Variants in UBQLN1 observed in about 807,000 individuals in gnomAD.
The protein encoded by UBQLN1 is ubiquilin 1.
In UBQLN1, 13 loss-of-function variants were observed where a neutral mutation model predicts 65.4. The observed-to-expected ratio is 0.20, with a 90% CI of 0.13 to 0.32. The LOEUF is 0.32. Ranked by LOEUF, UBQLN1 falls within the 10% of genes least tolerant of loss-of-function variation. The pLI, the probability that UBQLN1 is intolerant of heterozygous loss-of-function variation, is 1.00. For missense variants in UBQLN1, 561 were observed against 724.0 expected, an observed-to-expected ratio of 0.77 and a Z score of 2.58; for synonymous variants, 267 against 247.8, an observed-to-expected ratio of 1.08 and a Z score of -0.73.
chr9:83,677,621 C>T (rs1057321932), intron 6 of UBQLN1, 106 bp downstream of exon 6: 3 of 758,036 alleles, frequency 4.0e-6, no homozygotes, highest in Non-Finnish European at 6.1e-6. Context: ...ATAAAAGATA[C>T]TCACTATACA....
intron 9 of UBQLN1, 89 bp from the exon 10 acceptor site, chr9:83,664,132 C>G (rs1362980968): frequency 7.0e-7 from 1 of 1,430,596 alleles, no homozygotes; most frequent in Non-Finnish European, 9.4e-7. Flanking sequence ...ATAAGCTAAG[C>G]CATCTTCTTA....
At position 83,663,964 on chromosome 9, in the gene UBQLN1, T is replaced by C; in HGVS notation, c.1528A>G (p.Asn510Asp). The change falls in exon 10 of 11, where the codon AAC becomes GAC. Residue 510 changes from asparagine (N) to aspartate (D), a missense_variant. Transcript: ENST00000376395. The part of the protein sequence containing the change: ...TNGSNATPSE[N>D]TSPTAGTTEP... The stretch of plus-strand genomic sequence containing the variant: ...GTGGTTCCTGCTGTGGGACTTGTGT[T>C]TTCACTAGGTGTGGCGTTAGATCCA... 6.2e-7 allele frequency: 1 copy of C among 1,614,154 alleles called. No homozygotes were observed. Among genetic ancestry groups the C allele is most frequent in the African/African-American group, 1.3e-5 (1 of 75,054 alleles).
At chr9:83,693,019 T>TA (rs1474244298) in intron 1 of UBQLN1, among the ~76,000 whole-genome samples, 9 of 152,308 alleles carry the variant, frequency 5.9e-5, no homozygotes, top group Admixed American at 1.3e-4. Context: ...AGATACATGA[T>TA]AGAACGGGCC....
Position 83,669,309 on chromosome 9 carries a change from G to A in UBQLN1, c.1124C>T (p.Pro375Leu), listed in dbSNP as rs990119341. 2 of 1,605,980 alleles carry A rather than the reference G, an allele frequency of 1.2e-6. No homozygotes were observed. The highest frequency in any genetic ancestry group is 1.7e-6 in the Non-Finnish European group (2 of 1,178,414). ...PGVGASMFNTPGMQSLLQQIT... is the reference protein window; with the variant it reads ...PGVGASMFNTLGMQSLLQQIT... Reference sequence around the variant, plus strand: ...TTGTTGCAACAAGCTCTGCATTCCTGGTGTGTTGAACATACTAGCTGAAAG... The same window carrying A: ...TTGTTGCAACAAGCTCTGCATTCCTAGTGTGTTGAACATACTAGCTGAAAG... The change falls in exon 7 of 11, where the codon CCA becomes CTA. Residue 375 changes from proline (P) to leucine (L), a missense_variant. Physicochemically the swap from Pro to Leu is moderately conservative, Grantham distance 98. This residue lies in a region of UBQLN1 where 102 missense variants were observed against 150.7 expected (regional missense o/e 0.68). Coordinates refer to ENST00000376395, the MANE Select transcript of UBQLN1 (RefSeq NM_013438.5).
At chr9:83,676,953 C>CAAAA (rs1831843816) in intron 6 of UBQLN1, among the ~76,000 whole-genome samples, 1 of 152,174 alleles carries the variant, frequency 6.6e-6, no homozygotes, top group African/African-American at 2.4e-5. Flanking sequence ...GAAAAGTGGA[C>CAAAA]AAAAGTAAAT....
chr9:83,672,804 T>C (rs1394916456), intron 6 of UBQLN1, among the ~76,000 whole-genome samples: 1 of 152,186 alleles, frequency 6.6e-6, no homozygotes, highest in Non-Finnish European at 1.5e-5. Context: ...CTTCAAACTG[T>C]GAAAATCACA....
At chr9:83,693,059 C>T (rs1279078639) in intron 1 of UBQLN1, among the ~76,000 whole-genome samples, 2 of 152,166 alleles carry the variant, frequency 1.3e-5, no homozygotes, top group Non-Finnish European at 2.9e-5. Flanking sequence ...TACAAATGTA[C>T]ATCCAACTCT....
chr9:83,695,963 C>A (rs144452583), intron 1 of UBQLN1, among the ~76,000 whole-genome samples: 1 of 150,748 alleles, frequency 6.6e-6, no homozygotes. Flanking sequence ...TTTTTTGAGT[C>A]GGAGTCTCAC....
chr9:83,671,191 A>G (rs554566223), intron 6 of UBQLN1, among the ~76,000 whole-genome samples: 1 of 152,152 alleles, frequency 6.6e-6, no homozygotes, highest in Non-Finnish European at 1.5e-5. Flanking sequence ...CCCCTCCTCC[A>G]TAGAAGTCTT....
intron 4 of UBQLN1, among the ~76,000 whole-genome samples, chr9:83,678,943 G>A (rs1831891691): frequency 6.6e-6 from 1 of 152,076 alleles, no homozygotes; most frequent in African/African-American, 2.4e-5. Context: ...GGATGGTCTT[G>A]ATCTCCTGAC....
intron 9 of UBQLN1, 61 bp downstream of exon 9, chr9:83,664,969 C>T: frequency 1.6e-6 from 1 of 606,592 alleles, no homozygotes. Flanking sequence ...AATACTAAAT[C>T]TGAAATTCTC....
chr9:83,706,924 G>A (rs1832418514), intron 1 of UBQLN1, among the ~76,000 whole-genome samples: 1 of 152,070 alleles, frequency 6.6e-6, no homozygotes, highest in South Asian at 2.1e-4. Flanking sequence ...TTAAGATGGA[G>A]CTAAAAACAG....
intron 10 of UBQLN1, among the ~76,000 whole-genome samples, chr9:83,662,623 T>C (rs1831579103): frequency 6.6e-6 from 1 of 152,234 alleles, no homozygotes; most frequent in African/African-American, 2.4e-5. Context: ...AGTTAACTTA[T>C]GTCACAATTA....
intron 1 of UBQLN1, among the ~76,000 whole-genome samples, chr9:83,689,660 T>C (rs1046975212): frequency 3.9e-5 from 6 of 152,204 alleles, no homozygotes; most frequent in East Asian, 1.9e-4. Flanking sequence ...TGTTGATCAA[T>C]TGGAAAAGAT....
At chr9:83,667,425 G>A in intron 7 of UBQLN1, 1 of 870,006 alleles carries the variant, frequency 1.1e-6, no homozygotes, top group Non-Finnish European at 1.4e-6. Context: ...TGTAAATGCT[G>A]GTAGAGAAAA....
chr9:83,680,140 G>C (rs1831916698), intron 3 of UBQLN1, 103 bp from the exon 4 acceptor site: 2 of 1,205,524 alleles, frequency 1.7e-6, no homozygotes, highest in South Asian at 1.8e-5. Context: ...TGACCCAATA[G>C]TCTATTACAA....
At chr9:83,687,976 GTAAC>G (rs1300986375) in intron 1 of UBQLN1, among the ~76,000 whole-genome samples, 4 of 152,022 alleles carry the variant, frequency 2.6e-5, no homozygotes, top group South Asian at 2.1e-4. Context: ...CAATTTCCAA[GTAAC>G]TAACAGAAAA....
At position 83,707,586 on chromosome 9, in the gene UBQLN1, C is replaced by G; in HGVS notation, c.94G>C (p.Ala32Pro). 1 of 1,605,870 alleles carries G rather than the reference C, an allele frequency of 6.2e-7. No homozygotes were observed. ...GTGACTTTCATGATTTTGGGCTCCGCGGAGGCAGCGGCCGCGGGGGCGCCA... is the reference window on the plus strand; with the variant it reads ...GTGACTTTCATGATTTTGGGCTCCGGGGAGGCAGCGGCCGCGGGGGCGCCA... ...GAGAPAAAAS[A>P]EPKIMKVTVK... Residue 32 changes from alanine to proline, a missense_variant, in exon 1 of 11, where the codon GCG (alanine) becomes CCG (proline). This residue lies in a region of UBQLN1 where 101 missense variants were observed against 104.9 expected (regional missense o/e 0.96). Coordinates refer to ENST00000376395, the MANE Select transcript of UBQLN1 (RefSeq NM_013438.5).
intron 1 of UBQLN1, among the ~76,000 whole-genome samples, chr9:83,703,962 A>T (rs1241011589): frequency 6.6e-6 from 1 of 152,218 alleles, no homozygotes; most frequent in Non-Finnish European, 1.5e-5. Flanking sequence ...CAGCATGTTC[A>T]TATAAACAGA....
Sources: allele counts gnomAD v4.1 joint callset (sites outside exome capture counted in the v4.1 genomes callset), GRCh38; gene constraint gnomAD v4.1.1; regional missense constraint gnomAD v4.1.1; transcripts MANE v1.5; gene names NCBI Gene and HGNC (gene_info 2026-07-23, HGNC 2026-07-21).